The following VPS35L variants were observed in gnomAD, a reference collection of about 807,000 sequenced individuals.
The protein encoded by VPS35L is VPS35 endosomal protein-sorting factor-like.
A neutral mutation model predicts 133.0 loss-of-function variants in VPS35L; 83 were observed. That is an observed-to-expected ratio of 0.62 (90% CI 0.52 to 0.75). The LOEUF (loss-of-function observed/expected upper bound fraction) is 0.75. Ranked by LOEUF, VPS35L falls within the 30% of genes least tolerant of loss-of-function variation. The probability of loss-of-function intolerance (pLI) is 0.00; values close to 1 mark genes in which losing one functional copy is unlikely to be tolerated. For synonymous variants in VPS35L, 423 were observed against 449.9 expected, an observed-to-expected ratio of 0.94 and a Z score of 0.76; for missense variants, 1,083 against 1,206.8, an observed-to-expected ratio of 0.90 and a Z score of 1.52.
At chr16:19,575,561 T>TA (rs376319436) in intron 5 of VPS35L, among the ~76,000 whole-genome samples, 2,538 of 126,560 alleles carry the variant, frequency 0.02, 81 homozygotes, top group African/African-American at 0.069. Flanking sequence ...AATGCCGTCT[T>TA]AAAAAAAAAA....
At position 19,700,320 on chromosome 16, in the gene VPS35L, C is replaced by A; in HGVS notation, c.2794-58C>A. Reference sequence around the variant, plus strand: ...TCACATAATGGCTGATTCATTAGAGCCTTGGGCTCCAAGGATAATGAACCA... The same window carrying A: ...TCACATAATGGCTGATTCATTAGAGACTTGGGCTCCAAGGATAATGAACCA... On this transcript the variant is annotated intron_variant, in intron 30 of 30. Transcript: ENST00000417362. The A allele has an allele frequency of 7.5e-6, 11 of 1,464,672 alleles. No individual in the cohort carries two copies. The South Asian group carries it at 1.3e-4, about 17-fold the overall frequency. The allele number at this position is 1,464,672 out of a possible 1,614,324, so 90.7% of individuals were successfully genotyped here. A position where few individuals can be genotyped will look rare whatever the true frequency, so the allele number is the denominator to read the frequency against.
rs778241267 is a variant in VPS35L, at chr16:19,610,639, G to A, written c.1023+224G>A. ...CTTACTGTAGCTCTAATTAGGGGAC[G>A]TTTAAGGTCATCTTCTTACAAATGA... On this transcript the variant is annotated intron_variant, in intron 12 of 30. Transcript: ENST00000417362. 7.9e-4 allele frequency: 296 copies of A among 376,196 alleles called. 2 individuals are homozygous for A. Among genetic ancestry groups the A allele is most frequent in the Middle Eastern group, 5.4e-3 (8 of 1,474 alleles). The allele number at this position is 376,196 out of a possible 1,614,324, so 23.3% of individuals were successfully genotyped here. A position where few individuals can be genotyped will look rare whatever the true frequency, so the allele number is the denominator to read the frequency against.
intron 4 of VPS35L, among the ~76,000 whole-genome samples, chr16:19,574,446 C>A (rs1305061426): frequency 6.6e-6 from 1 of 152,180 alleles, no homozygotes; most frequent in African/African-American, 2.4e-5. Flanking sequence ...GCGTGTCCAT[C>A]TACAAATGGG....
At chr16:19,657,943 G>A (rs1974358453) in intron 26 of VPS35L, among the ~76,000 whole-genome samples, 1 of 152,164 alleles carries the variant, frequency 6.6e-6, no homozygotes, top group Non-Finnish European at 1.5e-5. Context: ...GGTTATTTTA[G>A]TTGGAACAGT....
At chr16:19,580,232 G>T (rs1312705443) in intron 6 of VPS35L, among the ~76,000 whole-genome samples, 1 of 151,598 alleles carries the variant, frequency 6.6e-6, no homozygotes, top group African/African-American at 2.4e-5. Context: ...TCCTGCCTCA[G>T]CCTCCCGAGT....
chr16:19,576,868 A>G (rs1971556993), intron 5 of VPS35L, among the ~76,000 whole-genome samples: 1 of 151,558 alleles, frequency 6.6e-6, no homozygotes, highest in African/African-American at 2.4e-5. Flanking sequence ...CACCAGGCCC[A>G]GCTAATTTTT....
At chr16:19,612,270 T>C (rs1972748646) in intron 12 of VPS35L, among the ~76,000 whole-genome samples, 1 of 151,560 alleles carries the variant, frequency 6.6e-6, no homozygotes, top group South Asian at 2.1e-4. Flanking sequence ...TTTTGTTTTT[T>C]TGCACCAGAG....
intron 8 of VPS35L, among the ~76,000 whole-genome samples, chr16:19,598,829 TA>T (rs903843005): frequency 6.6e-6 from 1 of 151,796 alleles, no homozygotes; most frequent in South Asian, 2.1e-4. Flanking sequence ...AAATTTTTTT[TA>T]AAAAAAAGAA....
At chr16:19,640,703 A>G (rs1356756996) in intron 21 of VPS35L, among the ~76,000 whole-genome samples, 2 of 152,218 alleles carry the variant, frequency 1.3e-5, no homozygotes, top group Non-Finnish European at 2.9e-5. Context: ...CCCGACTGCT[A>G]GTGGTACATG....
intron 2 of VPS35L, among the ~76,000 whole-genome samples, chr16:19,565,758 T>C (rs568198451): frequency 6.6e-6 from 1 of 152,318 alleles, no homozygotes; most frequent in East Asian, 1.9e-4. Context: ...GGTTCCCTTG[T>C]GAATGGGATG....
chr16:19,668,128 G>T (rs1335585497), intron 26 of VPS35L, among the ~76,000 whole-genome samples: 1 of 152,124 alleles, frequency 6.6e-6, no homozygotes, highest in Non-Finnish European at 1.5e-5. Context: ...ATTTGCTGTT[G>T]CATTTGCCCC....
At chr16:19,681,378 T>G (rs914979255) in intron 27 of VPS35L, among the ~76,000 whole-genome samples, 8 of 152,224 alleles carry the variant, frequency 5.3e-5, no homozygotes, top group Non-Finnish European at 1.2e-4. Context: ...CAGGTTCCAA[T>G]CATGCTGTTC....
intron 22 of VPS35L, among the ~76,000 whole-genome samples, chr16:19,644,427 G>A (rs563646082): frequency 5.9e-4 from 90 of 152,252 alleles, no homozygotes; most frequent in Non-Finnish European, 1.1e-3. Context: ...TGGGGAGAAC[G>A]GGGTCTCGTC....
intron 14 of VPS35L, among the ~76,000 whole-genome samples, chr16:19,623,379 G>T (rs529449999): frequency 1.3e-5 from 2 of 152,224 alleles, no homozygotes; most frequent in East Asian, 3.9e-4. Flanking sequence ...CTGTGTACAC[G>T]CATCCTTGCT....
chr16:19,616,949 C>A, intron 14 of VPS35L, 141 bp downstream of exon 14: 1 of 1,255,708 alleles, frequency 8.0e-7, no homozygotes, highest in Non-Finnish European at 1.1e-6. Flanking sequence ...AGAGGGCTTG[C>A]CATGGTGGCT....
At chr16:19,612,767 T>C (rs1353202699) in intron 12 of VPS35L, among the ~76,000 whole-genome samples, 1 of 152,214 alleles carries the variant, frequency 6.6e-6, no homozygotes, top group Non-Finnish European at 1.5e-5. Flanking sequence ...TCCCTTTTAA[T>C]GTTTGAGATC....
intron 22 of VPS35L, among the ~76,000 whole-genome samples, 193 bp downstream of exon 22, chr16:19,642,669 AC>A (rs777191496): frequency 6.6e-6 from 1 of 152,234 alleles, no homozygotes; most frequent in Non-Finnish European, 1.5e-5. Context: ...TGAGAAAGCG[AC>A]GTGGCAGATG....
intron 18 of VPS35L, among the ~76,000 whole-genome samples, 195 bp from the exon 19 acceptor site, chr16:19,632,897 G>A (rs560197113): frequency 6.6e-6 from 1 of 152,368 alleles, no homozygotes; most frequent in East Asian, 1.9e-4. Context: ...GTCCTGACTA[G>A]GTGTGGGGCT....
intron 29 of VPS35L, among the ~76,000 whole-genome samples, chr16:19,697,127 G>A (rs544899067): frequency 5.9e-5 from 9 of 152,320 alleles, no homozygotes; most frequent in South Asian, 4.1e-4. Flanking sequence ...GTGCCAAAGC[G>A]CTTTTCTCTT....
Sources: allele counts gnomAD v4.1 joint callset (sites outside exome capture counted in the v4.1 genomes callset), GRCh38; gene constraint gnomAD v4.1.1; transcripts MANE v1.5; gene names NCBI Gene and HGNC (gene_info 2026-07-23, HGNC 2026-07-21).